THOC5: variants seen among roughly 807,000 people sequenced by gnomAD.
THOC5 encodes the protein THO complex subunit 5.
In THOC5, 43 loss-of-function variants were observed where a neutral mutation model predicts 92.9. The observed-to-expected ratio is 0.46, with a 90% CI of 0.36 to 0.60. The LOEUF (loss-of-function observed/expected upper bound fraction) is 0.60. Among genes scored for constraint, THOC5 ranks in the 20% least tolerant of loss-of-function variants. THOC5 has a pLI of 0.00. For missense variants in THOC5, 659 were observed against 849.4 expected (o/e 0.78, Z 2.79); for synonymous variants, 296 against 320.1 (o/e 0.92, Z 0.80).
chr22:29,511,856 C>T (rs901292298), intron 18 of THOC5, among the ~76,000 whole-genome samples, 165 bp downstream of exon 18: 2 of 152,232 alleles, frequency 1.3e-5, no homozygotes, highest in Non-Finnish European at 2.9e-5. Flanking sequence ...GGGCTCTTTC[C>T]TCTAGTACAC....
chr22:29,517,666 C>T (rs2146454473), intron 15 of THOC5, among the ~76,000 whole-genome samples: 1 of 152,336 alleles, frequency 6.6e-6, no homozygotes, highest in South Asian at 2.1e-4. Context: ...AGGGAGGGTG[C>T]CCCTGCAGCA....
At chr22:29,512,186 C>A (rs1339115684) in intron 17 of THOC5, 50 bp from the exon 18 acceptor site, 2 of 1,506,418 alleles carry the variant, frequency 1.3e-6, no homozygotes, top group Non-Finnish European at 1.8e-6. Flanking sequence ...ACTCAGCTTG[C>A]CAGCCATGGC....
At chr22:29,523,519 A>G (rs2063485634) in intron 12 of THOC5, among the ~76,000 whole-genome samples, 1 of 152,228 alleles carries the variant, frequency 6.6e-6, no homozygotes, top group African/African-American at 2.4e-5. Flanking sequence ...ACACACAGGT[A>G]GAAAGACGAA....
intron 5 of THOC5, among the ~76,000 whole-genome samples, chr22:29,541,984 C>T (rs1305189148): frequency 7.1e-6 from 1 of 141,112 alleles, no homozygotes; most frequent in East Asian, 2.1e-4. Flanking sequence ...ATAAAAGCTG[C>T]TTTCAGTTTG....
Position 29,520,988 on chromosome 22 carries a change from G to T in THOC5, c.1277+10C>A. On this transcript the variant is annotated intron_variant, in intron 13 of 19. Coordinates refer to ENST00000490103, the MANE Select transcript of THOC5 (RefSeq NM_003678.5). Reference sequence around the variant, plus strand: ...TAGAGAGCTCGGAGAGGAGGAAACTGCTGACTCACCCAACTTTATCAAACT... The same window carrying T: ...TAGAGAGCTCGGAGAGGAGGAAACTTCTGACTCACCCAACTTTATCAAACT... 1 of 1,607,456 alleles carries T rather than the reference G, an allele frequency of 6.2e-7. No homozygotes were observed. Among genetic ancestry groups the T allele is most frequent in the Non-Finnish European group, 8.5e-7 (1 of 1,173,990 alleles).
intron 14 of THOC5, among the ~76,000 whole-genome samples, 183 bp downstream of exon 14, chr22:29,519,825 G>A (rs1380271265): frequency 6.6e-6 from 1 of 151,878 alleles, no homozygotes; most frequent in Non-Finnish European, 1.5e-5. Context: ...GTAGAGATGG[G>A]GTTTCATCAT....
In THOC5 at chr22:29,541,481, G is replaced by C. The variant is rs184939923; in HGVS notation, c.452+1378C>G. On this transcript the variant is annotated intron_variant, in intron 5 of 19. Transcript: ENST00000490103. ...CAGGATTGTGCCACCACACCAGCCTGGGTGACAGGAGTGAGACCCTGTCTC... is the reference window on the plus strand; with the variant it reads ...CAGGATTGTGCCACCACACCAGCCTCGGTGACAGGAGTGAGACCCTGTCTC... Among the ~76,000 whole-genome samples the C allele has an allele frequency of 6.8e-3, 1,002 of 148,142 alleles. 10 individuals are homozygous for C. The highest frequency in any genetic ancestry group is 0.024 in the African/African-American group (953 of 40,096).
At chr22:29,517,645 C>T (rs528991920) in intron 15 of THOC5, among the ~76,000 whole-genome samples, 1 of 152,346 alleles carries the variant, frequency 6.6e-6, no homozygotes, top group East Asian at 1.9e-4. Context: ...AAAACCCTTA[C>T]AGTCAGAACT....
At chr22:29,546,281 G>A (rs542129610) in intron 2 of THOC5, among the ~76,000 whole-genome samples, 46 of 152,294 alleles carry the variant, frequency 3.0e-4, no homozygotes, top group Non-Finnish European at 5.4e-4. Flanking sequence ...AGGGGCTGCC[G>A]TGAGGTCTCT....
At chr22:29,540,751 T>C (rs2063864087) in intron 5 of THOC5, among the ~76,000 whole-genome samples, 1 of 152,184 alleles carries the variant, frequency 6.6e-6, no homozygotes, top group African/African-American at 2.4e-5. Flanking sequence ...CCATGTACCC[T>C]TCACCCAATG....
At chr22:29,518,147 C>CTTCA (rs2063368733) in intron 15 of THOC5, among the ~76,000 whole-genome samples, 1 of 152,220 alleles carries the variant, frequency 6.6e-6, no homozygotes, top group South Asian at 2.1e-4. Context: ...AATTCTCCTG[C>CTTCA]TTCAGCCTCC....
intron 5 of THOC5, among the ~76,000 whole-genome samples, chr22:29,540,175 G>C (rs1236106109): frequency 6.6e-6 from 1 of 152,114 alleles, no homozygotes; most frequent in Non-Finnish European, 1.5e-5. Flanking sequence ...AGGAGGCTGA[G>C]GCAGGAGAAT....
intron 5 of THOC5, among the ~76,000 whole-genome samples, chr22:29,540,702 C>T (rs1194551679): frequency 6.6e-6 from 1 of 152,134 alleles, no homozygotes; most frequent in Non-Finnish European, 1.5e-5. Flanking sequence ...GTTTAAGACT[C>T]CAAGAAGTTT....
rs377753372 is a variant in THOC5, at chr22:29,514,457, C to T, written c.1682-2321G>A. Among the ~76,000 whole-genome samples the T allele has an allele frequency of 4.3e-3, 650 of 151,178 alleles. 12 individuals carry two copies. The Middle Eastern group carries it at 0.045, about 10-fold the overall frequency. On this transcript the variant is annotated intron_variant, in intron 17 of 19. Transcript: ENST00000490103. Reference sequence around the variant, plus strand: ...TCACCCTCCCGAGTAGCTGGGACTACAGGCGCCCGCCACCAGGCCCGGCTA... The same window carrying T: ...TCACCCTCCCGAGTAGCTGGGACTATAGGCGCCCGCCACCAGGCCCGGCTA...
At chr22:29,513,537 A>T (rs1203080303) in intron 17 of THOC5, among the ~76,000 whole-genome samples, 1 of 151,938 alleles carries the variant, frequency 6.6e-6, no homozygotes, top group Non-Finnish European at 1.5e-5. Flanking sequence ...AAAATACAAA[A>T]ATTAGCCAGG....
chr22:29,545,003 C>A, intron 2 of THOC5: 1 of 377,410 alleles, frequency 2.6e-6, no homozygotes, highest in South Asian at 2.0e-5. Context: ...TCCATTTTCA[C>A]GCTGCCAATA....
chr22:29,531,230 C>G, intron 8 of THOC5: 1 of 1,022,574 alleles, frequency 9.8e-7, no homozygotes, highest in Non-Finnish European at 1.2e-6. Context: ...AGCACTGGTG[C>G]GGTGTATGTC....
intron 5 of THOC5, among the ~76,000 whole-genome samples, chr22:29,540,623 A>G (rs895515758): frequency 2.0e-5 from 3 of 152,190 alleles, no homozygotes; most frequent in Non-Finnish European, 4.4e-5. Context: ...GTCAGTTTCC[A>G]TTTGGGTGAT....
At chr22:29,531,510 C>G (rs2063654472) in intron 8 of THOC5, 1 of 1,090,514 alleles carries the variant, frequency 9.2e-7, no homozygotes, top group African/African-American at 1.6e-5. Flanking sequence ...AGGCACTGAT[C>G]TAACTGCCAA....
Sources: gnomAD v4.1 joint callset for allele counts (sites outside exome capture counted in the v4.1 genomes callset) on GRCh38, gnomAD v4.1.1 for gene constraint, MANE v1.5 for transcripts, NCBI Gene and HGNC (gene_info 2026-07-23, HGNC 2026-07-21) for gene names.